Variants in DLG2 observed in about 807,000 individuals in gnomAD.
DLG2 encodes the protein discs large MAGUK scaffold protein 2.
Under a neutral mutation model 132.5 loss-of-function variants are expected in DLG2, and 45 were observed. The ratio of observed to expected loss-of-function variants is 0.34; its 90% confidence interval spans 0.27 to 0.44. The LOEUF is 0.44. Among genes scored for constraint, DLG2 ranks in the 20% least tolerant of loss-of-function variants. DLG2 has a pLI of 1.00. For missense variants in DLG2, 1,045 were observed against 1,196.9 expected, an observed-to-expected ratio of 0.87 and a Z score of 1.87; for synonymous variants, 424 against 419.6, an observed-to-expected ratio of 1.01 and a Z score of -0.13.
At chr11:84,814,451 T>C (rs1327137898) in intron 6 of DLG2, among the ~76,000 whole-genome samples, 2 of 152,050 alleles carry the variant, frequency 1.3e-5, no homozygotes, top group East Asian at 3.9e-4. Context: ...GTCTCTCCAA[T>C]ACGCAAGCCC....
chr11:84,383,826 G>C (rs890104930), intron 7 of DLG2, among the ~76,000 whole-genome samples: 1 of 152,084 alleles, frequency 6.6e-6, no homozygotes, highest in Non-Finnish European at 1.5e-5. Flanking sequence ...GCTATGCTGT[G>C]CTTGGGCTTG....
chr11:83,824,034 T>C (rs976592258), intron 17 of DLG2, among the ~76,000 whole-genome samples: 8 of 152,216 alleles, frequency 5.3e-5, no homozygotes, highest in Non-Finnish European at 8.8e-5. Flanking sequence ...CATTACTGAT[T>C]ATCTGTGTGA....
chr11:83,763,729 G>T (rs1217703785), intron 18 of DLG2, among the ~76,000 whole-genome samples: 2 of 152,092 alleles, frequency 1.3e-5, no homozygotes, highest in Admixed American at 6.5e-5. Context: ...AACATATAAT[G>T]CTGTATCCCA....
intron 6 of DLG2, among the ~76,000 whole-genome samples, chr11:84,617,082 C>G (rs988936863): frequency 6.6e-6 from 1 of 151,566 alleles, no homozygotes; most frequent in African/African-American, 2.4e-5. Flanking sequence ...TTTGATGCAC[C>G]CATCAACCCG....
intron 6 of DLG2, among the ~76,000 whole-genome samples, chr11:84,983,683 A>T (rs2056091090): frequency 6.6e-6 from 1 of 152,228 alleles, no homozygotes; most frequent in East Asian, 1.9e-4. Flanking sequence ...AAGGTTAGTT[A>T]TTAAGCTAAT....
At chr11:83,763,110 A>C (rs1216300723) in intron 18 of DLG2, among the ~76,000 whole-genome samples, 1 of 152,166 alleles carries the variant, frequency 6.6e-6, no homozygotes, top group Non-Finnish European at 1.5e-5. Context: ...GTTCTCCCCT[A>C]TGGTGCATTA....
rs147635662 is a variant in DLG2, at chr11:83,746,695, G to A, written c.1825+39995C>T. Reference sequence around the variant, plus strand: ...TACATATGTAACAAACCTGCACGTTGTGCACATGTACCCTAGAACTTAAAG... The same window carrying A: ...TACATATGTAACAAACCTGCACGTTATGCACATGTACCCTAGAACTTAAAG... On this transcript the variant is annotated intron_variant, in intron 18 of 27. Coordinates refer to ENST00000376104, the MANE Select transcript of DLG2 (RefSeq NM_001142699.3). Among the ~76,000 whole-genome samples, 38 of 152,162 alleles carry A rather than the reference G, an allele frequency of 2.5e-4. 1 individual carries two copies. The highest frequency in any genetic ancestry group is 8.9e-4 in the African/African-American group (37 of 41,532).
At chr11:84,492,145 A>G (rs893715203) in intron 7 of DLG2, among the ~76,000 whole-genome samples, 2 of 152,170 alleles carry the variant, frequency 1.3e-5, no homozygotes, top group African/African-American at 4.8e-5. Flanking sequence ...GAAATATGTT[A>G]CACTTAAGAA....
At chr11:84,656,590 TGACTC>T (rs1452129037) in intron 6 of DLG2, among the ~76,000 whole-genome samples, 1 of 152,180 alleles carries the variant, frequency 6.6e-6, no homozygotes, top group Non-Finnish European at 1.5e-5. Context: ...AAAAGTCTCT[TGACTC>T]TACTCTGTCC....
At chr11:85,022,318 T>C (rs1014849420) in intron 6 of DLG2, among the ~76,000 whole-genome samples, 1 of 152,058 alleles carries the variant, frequency 6.6e-6, no homozygotes, top group Admixed American at 6.5e-5. Flanking sequence ...ATAGAACACT[T>C]GGTTCTTAAA....
chr11:83,477,423 TATA>T (rs1230838691), intron 22 of DLG2, among the ~76,000 whole-genome samples: 2 of 152,118 alleles, frequency 1.3e-5, no homozygotes, highest in African/African-American at 4.8e-5. Flanking sequence ...AAACCTATTT[TATA>T]ATGCTTGAGA....
intron 8 of DLG2, among the ~76,000 whole-genome samples, chr11:84,173,244 A>C (rs1314560541): frequency 6.6e-6 from 1 of 152,200 alleles, no homozygotes; most frequent in Non-Finnish European, 1.5e-5. Flanking sequence ...TGCAGGATGG[A>C]GAATAACAGG....
At chr11:85,501,292 A>G (rs893186654) in intron 3 of DLG2, among the ~76,000 whole-genome samples, 6 of 152,066 alleles carry the variant, frequency 3.9e-5, no homozygotes, top group South Asian at 2.1e-4. Flanking sequence ...AGACTTAAAC[A>G]TAAGACCTAG....
At chr11:84,113,213 A>C (rs1384239508) in intron 9 of DLG2, among the ~76,000 whole-genome samples, 2 of 152,196 alleles carry the variant, frequency 1.3e-5, no homozygotes, top group African/African-American at 4.8e-5. Flanking sequence ...AATTTTCTTA[A>C]ATATTGACCT....
At chr11:84,859,402 A>ATATACATATATATG (rs1566174689) in intron 6 of DLG2, among the ~76,000 whole-genome samples, 1 of 145,286 alleles carries the variant, frequency 6.9e-6, no homozygotes, top group Non-Finnish European at 1.5e-5. Context: ...ATATATGTAT[A>ATATACATATATATG]TATACATATA....
intron 6 of DLG2, among the ~76,000 whole-genome samples, chr11:84,639,473 T>C (rs1372107181): frequency 1.3e-5 from 2 of 152,130 alleles, no homozygotes; most frequent in African/African-American, 4.8e-5. Context: ...CTTATAACAT[T>C]GACAGTTCTA....
At chr11:84,026,094 G>C (rs2095528653) in intron 11 of DLG2, among the ~76,000 whole-genome samples, 1 of 152,126 alleles carries the variant, frequency 6.6e-6, no homozygotes. Context: ...GACATGAAGA[G>C]TCCTAGCAAG....
At chr11:84,929,530 T>C (rs1366180175) in intron 6 of DLG2, among the ~76,000 whole-genome samples, 1 of 152,046 alleles carries the variant, frequency 6.6e-6, no homozygotes, top group Non-Finnish European at 1.5e-5. Flanking sequence ...CAGATGCAGG[T>C]ATATTGAATT....
At chr11:85,499,155 C>A (rs948544423) in intron 3 of DLG2, among the ~76,000 whole-genome samples, 6 of 151,962 alleles carry the variant, frequency 3.9e-5, no homozygotes, top group African/African-American at 9.7e-5. Context: ...ATTAATGAAT[C>A]CTGGAGCTGG....
Sources: allele counts gnomAD v4.1 joint callset (sites outside exome capture counted in the v4.1 genomes callset), GRCh38; gene constraint gnomAD v4.1.1; transcripts MANE v1.5; gene names NCBI Gene and HGNC (gene_info 2026-07-23, HGNC 2026-07-21).